Variants in ARHGAP17 observed in about 807,000 individuals in gnomAD.
ARHGAP17 encodes Rho GTPase activating protein 17.
Under a neutral mutation model 99.5 loss-of-function variants are expected in ARHGAP17, and 57 were observed. The observed-to-expected ratio is 0.57, with a 90% CI of 0.46 to 0.71. The LOEUF (loss-of-function observed/expected upper bound fraction) is 0.71, where lower values mean the gene tolerates loss of function less well. ARHGAP17 is among the 30% of genes least tolerant of loss of function. ARHGAP17 has a pLI of 0.00. For missense variants in ARHGAP17, 1,000 were observed against 1,122.4 expected (o/e 0.89, Z 1.56); for synonymous variants, 417 against 429.6 (o/e 0.97, Z 0.36).
chr16:24,938,825 T>C (rs565280702), intron 17 of ARHGAP17, among the ~76,000 whole-genome samples: 2 of 151,870 alleles, frequency 1.3e-5, no homozygotes, highest in East Asian at 3.9e-4. Flanking sequence ...ATTTTCCACC[T>C]TGGACTCATG....
Position 24,930,939 on chromosome 16 carries a change from G to GCGGTTC in ARHGAP17, c.2359_2360insGAACCG (p.Thr786_Ala787insGlyThr). The GCGGTTC allele has an allele frequency of 6.2e-7, 1 of 1,613,938 alleles. No individual in the cohort carries two copies. The highest frequency in any genetic ancestry group is 2.2e-5 in the East Asian group (1 of 44,888). On this transcript the variant is annotated inframe_insertion, in exon 19 of 20. Transcript: ENST00000289968. ...CGGTAAGGTTCCAGCATGTGGCTGT[G>GCGGTTC]CAGTTTCAGGGTTACCCCCTGCCAG...
At chr16:24,986,902 C>A (rs1247933392) in intron 1 of ARHGAP17, among the ~76,000 whole-genome samples, 1 of 152,306 alleles carries the variant, frequency 6.6e-6, no homozygotes, top group East Asian at 1.9e-4. Flanking sequence ...AGTCCAAATG[C>A]GGAGGCACAG....
At chr16:24,948,628 A>C (rs1244537146) in intron 13 of ARHGAP17, among the ~76,000 whole-genome samples, 1 of 152,106 alleles carries the variant, frequency 6.6e-6, no homozygotes, top group Non-Finnish European at 1.5e-5. Flanking sequence ...GAGTTAAATT[A>C]ATCAAAGGGA....
intron 19 of ARHGAP17, among the ~76,000 whole-genome samples, chr16:24,925,987 G>A (rs1442339176): frequency 6.6e-6 from 1 of 151,624 alleles, no homozygotes. Context: ...GTGGGCGCCT[G>A]TAGTCCCAGC....
intron 1 of ARHGAP17, among the ~76,000 whole-genome samples, chr16:24,982,099 T>C (rs935474192): frequency 6.6e-6 from 1 of 152,038 alleles, no homozygotes; most frequent in Non-Finnish European, 1.5e-5. Context: ...GCTTAGATTT[T>C]TTTTTTTTAA....
intron 19 of ARHGAP17, among the ~76,000 whole-genome samples, chr16:24,926,109 G>GAAAA (rs1175708408): frequency 3.7e-5 from 4 of 107,104 alleles, no homozygotes; most frequent in African/African-American, 1.4e-4. Flanking sequence ...GACTCCGTCT[G>GAAAA]AAAAAAAAAA....
intron 8 of ARHGAP17, 73 bp downstream of exon 8, chr16:24,959,838 A>C (rs1365440460): frequency 6.2e-7 from 1 of 1,603,072 alleles, no homozygotes; most frequent in Non-Finnish European, 8.5e-7. Context: ...CTAAAAATGA[A>C]ATCTTTTGCA....
chr16:24,935,066 T>C (rs1162610102), intron 18 of ARHGAP17, among the ~76,000 whole-genome samples: 1 of 152,024 alleles, frequency 6.6e-6, no homozygotes, highest in Non-Finnish European at 1.5e-5. Context: ...GGAAGACAGG[T>C]GGGAGCAGTT....
intron 3 of ARHGAP17, among the ~76,000 whole-genome samples, chr16:24,971,826 A>G (rs2052372711): frequency 6.6e-6 from 1 of 152,316 alleles, no homozygotes; most frequent in African/African-American, 2.4e-5. Flanking sequence ...AAGGAACCCA[A>G]AGCCGAAGGA....
At chr16:25,002,972 G>A (rs1597487029) in intron 1 of ARHGAP17, among the ~76,000 whole-genome samples, 1 of 143,382 alleles carries the variant, frequency 7.0e-6, no homozygotes, top group Middle Eastern at 3.9e-3. Flanking sequence ...CCAGGAGACG[G>A]AGGTTGCAGT....
intron 15 of ARHGAP17, among the ~76,000 whole-genome samples, chr16:24,943,202 A>G (rs2051366625): frequency 6.6e-6 from 1 of 152,224 alleles, no homozygotes; most frequent in African/African-American, 2.4e-5. Flanking sequence ...ATGAAATACT[A>G]ATTCCCTGAC....
At chr16:24,993,601 A>C (rs2053112279) in intron 1 of ARHGAP17, among the ~76,000 whole-genome samples, 1 of 152,068 alleles carries the variant, frequency 6.6e-6, no homozygotes, top group Admixed American at 6.6e-5. Flanking sequence ...AAAAAAAAAA[A>C]AAAAGTAACG....
intron 14 of ARHGAP17, among the ~76,000 whole-genome samples, chr16:24,946,588 A>G (rs113267500): frequency 1.7e-4 from 26 of 151,892 alleles, no homozygotes; most frequent in African/African-American, 6.3e-4. Flanking sequence ...ACACTTGAAA[A>G]CCATCACATG....
At chr16:25,000,963 T>C (rs1199171093) in intron 1 of ARHGAP17, among the ~76,000 whole-genome samples, 5 of 152,214 alleles carry the variant, frequency 3.3e-5, no homozygotes, top group African/African-American at 7.2e-5. Flanking sequence ...CAAACTTCCA[T>C]TGGGAACAAT....
At position 24,939,410 on chromosome 16, in the gene ARHGAP17, A is replaced by T. The variant is rs765002357; in HGVS notation, c.1678T>A (p.Ser560Thr). ...CCCTGCTCCAGTATGCCCGCGGAAGAGGGGACAGTCCCACCCCCAGAGCTG... is the reference window on the plus strand; with the variant it reads ...CCCTGCTCCAGTATGCCCGCGGAAGTGGGGACAGTCCCACCCCCAGAGCTG... Reference protein sequence around the residue: ...ESSSGGGTVPSSAGILEQGPS... With the variant: ...ESSSGGGTVPTSAGILEQGPS... Residue 560 changes from serine (S) to threonine (T), a missense_variant, in exon 17 of 20, where the codon TCT becomes ACT. Transcript: ENST00000289968. 8.1e-6 allele frequency: 13 copies of T among 1,611,066 alleles called. No individual in the cohort carries two copies. Among genetic ancestry groups the T allele is most frequent in the African/African-American group, 1.3e-5 (1 of 74,862 alleles).
At chr16:24,937,487 T>C (rs778909611) in intron 17 of ARHGAP17, among the ~76,000 whole-genome samples, 3 of 152,012 alleles carry the variant, frequency 2.0e-5, no homozygotes, top group Admixed American at 6.6e-5. Context: ...AGAAAATAAG[T>C]GAATTTGCTT....
rs374447574 is a variant in ARHGAP17, at chr16:25,013,397, C to A, written c.53+1812G>T. Among the ~76,000 whole-genome samples, 16 of 152,262 alleles carry A rather than the reference C, an allele frequency of 1.1e-4. 1 individual carries two copies. The highest frequency in any genetic ancestry group is 3.6e-4 in the African/African-American group (15 of 41,562). On this transcript the variant is annotated intron_variant, in intron 1 of 19. Coordinates refer to ENST00000289968, the MANE Select transcript of ARHGAP17 (RefSeq NM_001006634.3). ...CAGAACTTTGGGAGGCCAAGGCAGG[C>A]AGATCAGTTGAGGCCAGGAGTTCGA...
intron 12 of ARHGAP17, among the ~76,000 whole-genome samples, chr16:24,951,203 G>A (rs2051634009): frequency 6.6e-6 from 1 of 152,204 alleles, no homozygotes; most frequent in African/African-American, 2.4e-5. Flanking sequence ...AGGGTGGAGG[G>A]AAAGGGACGA....
Position 24,931,204 on chromosome 16 carries a change from GGGGTGCTGAGAGCTGGGA to G in ARHGAP17, c.2077_2094del (p.Ser693_Pro698del), listed in dbSNP as rs2050980004. Reference sequence around the variant, plus strand: ...GGAGACAAGCTGCTGGAGTACCTCCGGGGTGCTGAGAGCTGGGAGGGGGCGGAGGGCTGGCCTGGAGGC... The same window carrying G: ...GGAGACAAGCTGCTGGAGTACCTCCGGGGGGCGGAGGGCTGGCCTGGAGGC... On this transcript the variant is annotated inframe_deletion, in exon 19 of 20. Transcript: ENST00000289968. 1 of 1,576,328 alleles carries G rather than the reference GGGGTGCTGAGAGCTGGGA, an allele frequency of 6.3e-7. No individual in the cohort carries two copies. Among genetic ancestry groups the G allele is most frequent in the African/African-American group, 1.4e-5 (1 of 73,982 alleles).
Sources: allele counts gnomAD v4.1 joint callset (sites outside exome capture counted in the v4.1 genomes callset), GRCh38; gene constraint gnomAD v4.1.1; transcripts MANE v1.5; gene names NCBI Gene and HGNC (gene_info 2026-07-23, HGNC 2026-07-21).